The following C6orf120 variants were observed in gnomAD, a reference collection of about 807,000 sequenced individuals.
C6orf120 encodes UPF0669 protein C6orf120.
For synonymous variants in C6orf120, 165 were observed against 123.1 expected (o/e 1.34, Z -2.25); for missense variants, 311 against 264.2 (o/e 1.18, Z -1.23).
At chr6:169,703,927 G>C in exon 1 of C6orf120, 1 of 1,185,766 alleles carries the variant, frequency 8.4e-7, no homozygotes. Flanking sequence ...ATCTTTTATT[G>C]GCATGAAAAT....
downstream of C6orf120, chr6:169,705,201 A>G (rs143578587): frequency 2.5e-6 from 4 of 1,613,672 alleles, no homozygotes; most frequent in Non-Finnish European, 3.4e-6. Context: ...ACAGAACATC[A>G]TTTCTTCTTC....
chr6:169,702,564 C>T (rs1163846912), exon 1 of C6orf120: 1 of 1,612,930 alleles, frequency 6.2e-7, no homozygotes, highest in South Asian at 1.1e-5. Flanking sequence ...AGGAGGAGGT[C>T]CCCGAGGAGT....
chr6:169,703,825 AG>A, exon 1 of C6orf120: 1 of 569,110 alleles, frequency 1.8e-6, no homozygotes, highest in Non-Finnish European at 3.1e-6. Flanking sequence ...ATACTTTGGA[AG>A]ATGAATTCTC....
exon 1 of C6orf120, chr6:169,702,587 A>C: frequency 6.2e-7 from 1 of 1,613,206 alleles, no homozygotes; most frequent in Non-Finnish European, 8.5e-7. Context: ...GTGCTCCTGC[A>C]CGTCGTCCAG....
At chr6:169,705,405 C>A, downstream of C6orf120, 1 of 953,128 alleles carries the variant, frequency 1.0e-6, no homozygotes, top group Non-Finnish European at 1.6e-6. Context: ...TGCTTTAGGA[C>A]TTCCAGAGAA....
downstream of C6orf120, chr6:169,705,278 C>T (rs894287063): frequency 1.2e-6 from 2 of 1,613,256 alleles, no homozygotes; most frequent in African/African-American, 1.3e-5. Flanking sequence ...AGGTCTTAAT[C>T]ATAGAAACAA....
downstream of C6orf120, among the ~76,000 whole-genome samples, chr6:169,706,344 ATC>A (rs1788789300): frequency 6.6e-6 from 1 of 152,188 alleles, no homozygotes; most frequent in Non-Finnish European, 1.5e-5. Context: ...TAATAAAAGA[ATC>A]TATACTTAGA....
At chr6:169,702,653 T>C (rs772042079) in exon 1 of C6orf120, 1 of 1,613,400 alleles carries the variant, frequency 6.2e-7, no homozygotes. Flanking sequence ...GAGGGCAAGA[T>C]AGTCCTCAGG....
exon 1 of C6orf120, chr6:169,702,278 A>G: frequency 1.5e-6 from 1 of 683,934 alleles, no homozygotes; most frequent in Non-Finnish European, 2.7e-6. Context: ...GGGAGGGGTT[A>G]ACCCACCCCT....
chr6:169,703,738 T>C (rs1788613036), exon 1 of C6orf120: 1 of 442,542 alleles, frequency 2.3e-6, no homozygotes, highest in South Asian at 4.7e-5. Context: ...CTTTTGGGGC[T>C]ATGGAGAAAC....
exon 1 of C6orf120, chr6:169,703,080 C>CTT (rs1788512410): frequency 5.9e-6 from 9 of 1,517,636 alleles, no homozygotes; most frequent in Non-Finnish European, 8.0e-6. Flanking sequence ...ATCTGTGAAG[C>CTT]TGATTGCAGT....
At position 169,703,044 on chromosome 6, in the gene C6orf120, CCA is replaced by C. The variant is rs150288859; in HGVS notation, c.*13_*14del. 6.8e-3 allele frequency: 10,510 copies of C among 1,545,156 alleles called. 106 individuals carry two copies. Among genetic ancestry groups the C allele is most frequent in the African/African-American group, 0.042 (3,034 of 73,078 alleles). ...TTGAAATTCTCTTTTGAGTCGTTGACCACACTCTGGGATATAAAACCCTCCAT... is the reference window on the plus strand; with the variant it reads ...TTGAAATTCTCTTTTGAGTCGTTGACCACTCTGGGATATAAAACCCTCCAT... On this transcript the variant is annotated 3_prime_UTR_variant, in exon 1 of 1. Transcript: ENST00000332290.
chr6:169,702,174 G>C (rs966941480), upstream of C6orf120: 21 of 648,882 alleles, frequency 3.2e-5, no homozygotes, highest in East Asian at 6.2e-4. Flanking sequence ...TGTATAAAGC[G>C]CGGCCCCCTG....
exon 1 of C6orf120, chr6:169,702,256 G>T: frequency 1.4e-6 from 1 of 691,716 alleles, no homozygotes. Flanking sequence ...CTGAGTGGGC[G>T]CCGCGCTACG....
chr6:169,702,677 A>G, exon 1 of C6orf120: 8 of 1,613,500 alleles, frequency 5.0e-6, no homozygotes, highest in Non-Finnish European at 6.8e-6. Context: ...CGCAGCCTCA[A>G]GGGAGATGCG....
downstream of C6orf120, chr6:169,705,396 G>T: frequency 9.8e-7 from 1 of 1,023,896 alleles, no homozygotes; most frequent in Non-Finnish European, 1.5e-6. Flanking sequence ...ATACTAGTTT[G>T]CTTTAGGACT....
exon 1 of C6orf120, chr6:169,704,260 A>T: frequency 1.8e-6 from 1 of 544,738 alleles, no homozygotes; most frequent in Non-Finnish European, 3.2e-6. Flanking sequence ...AACTTAATCA[A>T]TGTAATCAAT....
downstream of C6orf120, chr6:169,705,014 A>G (rs41265395): frequency 0.018 from 11,405 of 637,468 alleles, 158 homozygotes; most frequent in Middle Eastern, 0.042. Flanking sequence ...AGCTTTGGTC[A>G]TATTTGCACA....
chr6:169,705,170 ATAAC>A, downstream of C6orf120: 1 of 1,612,324 alleles, frequency 6.2e-7, no homozygotes, highest in Non-Finnish European at 8.5e-7. Context: ...AAAAAGTATG[ATAAC>A]CTCTGTCACA....
Sources: allele counts gnomAD v4.1 joint callset (sites outside exome capture counted in the v4.1 genomes callset), GRCh38; gene constraint gnomAD v4.1.1; transcripts MANE v1.5; gene names NCBI Gene and HGNC (gene_info 2026-07-23, HGNC 2026-07-21).